The following NUP153 variants were observed in gnomAD, a reference collection of about 807,000 sequenced individuals.
NUP153 encodes nucleoporin 153.
NUP153 carries 27 observed loss-of-function variants against 134.6 expected under a neutral mutation model. That is an observed-to-expected ratio of 0.20 (90% CI 0.15 to 0.28). The LOEUF is 0.28. NUP153 is among the 10% of genes least tolerant of loss of function. The pLI is 1.00. For missense variants in NUP153, 1,821 were observed against 1,731.3 expected, an observed-to-expected ratio of 1.05 and a Z score of -0.92; for synonymous variants, 640 against 623.5, an observed-to-expected ratio of 1.03 and a Z score of -0.40.
chr6:17,637,208 A>G lies in NUP153; in HGVS notation c.2409T>C (p.Cys803=), dbSNP rs999275917. ...PIGSWECSVC[C]VSNNAEDNKC... is the part of the protein sequence containing the mutation. ...TATTGTCTTCTGCATTATTAGAAAC[A>G]CAGCATACTGAACACTCCCAAGATC... Residue 803 remains cysteine, a synonymous_variant, in exon 16 of 22, where the codon TGT becomes TGC. Transcript: ENST00000262077. 6.8e-6 allele frequency: 11 copies of G among 1,614,098 alleles called. No homozygotes were observed. The highest frequency in any genetic ancestry group is 8.5e-6 in the Non-Finnish European group (10 of 1,180,038).
chr6:17,636,964 C>A (rs1341645341), intron 16 of NUP153, among the ~76,000 whole-genome samples, 189 bp downstream of exon 16: 2 of 152,306 alleles, frequency 1.3e-5, no homozygotes, highest in African/African-American at 2.4e-5. Context: ...CTAGTTAACA[C>A]ATAACCTATC....
intron 2 of NUP153, among the ~76,000 whole-genome samples, chr6:17,685,363 C>T (rs1047473533): frequency 3.3e-5 from 5 of 151,802 alleles, no homozygotes; most frequent in Non-Finnish European, 4.4e-5. Context: ...CTGGCTAACA[C>T]GGAGAAACCC....
intron 1 of NUP153, among the ~76,000 whole-genome samples, chr6:17,697,877 C>G (rs1769766482): frequency 1.3e-5 from 2 of 152,102 alleles, no homozygotes; most frequent in African/African-American, 2.4e-5. Context: ...TCTTATAAAC[C>G]TTTTCACAGG....
chr6:17,616,036 C>G lies in NUP153; in HGVS notation c.*61G>C, dbSNP rs574882499. Reference sequence around the variant, plus strand: ...AGATAACCCCAGCACAAAGTACAATCCAGTATCTGAAAGCAGGGCACCAGC... The same window carrying G: ...AGATAACCCCAGCACAAAGTACAATGCAGTATCTGAAAGCAGGGCACCAGC... On this transcript the variant is annotated 3_prime_UTR_variant, in exon 22 of 22. Coordinates refer to ENST00000262077, the MANE Select transcript of NUP153 (RefSeq NM_005124.4). 60 of 1,180,630 alleles carry G rather than the reference C, an allele frequency of 5.1e-5. 1 individual carries two copies. The East Asian group carries it at 1.1e-3, about 22-fold the overall frequency. The allele number at this position is 1,180,630 out of a possible 1,614,324, so 73.1% of individuals were successfully genotyped here. A position where few individuals can be genotyped will look rare whatever the true frequency, so the allele number is the denominator to read the frequency against.
intron 14 of NUP153, among the ~76,000 whole-genome samples, chr6:17,641,033 C>G (rs937090550): frequency 6.6e-6 from 1 of 152,152 alleles, no homozygotes; most frequent in Non-Finnish European, 1.5e-5. Context: ...GAGTGACTTA[C>G]TGCTTTTACT....
chr6:17,674,526 T>C (rs1332794694), intron 5 of NUP153, among the ~76,000 whole-genome samples: 2 of 152,138 alleles, frequency 1.3e-5, no homozygotes, highest in Non-Finnish European at 2.9e-5. Context: ...CCTAACACTT[T>C]GGGAGGCCGG....
At chr6:17,618,560 CTCTT>C (rs1476924233) in intron 20 of NUP153, among the ~76,000 whole-genome samples, 15 of 105,048 alleles carry the variant, frequency 1.4e-4, no homozygotes, top group South Asian at 8.1e-4. Flanking sequence ...GTTAAAATCT[CTCTT>C]TTTTTTTTTT....
intron 5 of NUP153, among the ~76,000 whole-genome samples, chr6:17,672,663 C>G (rs541860572): frequency 6.6e-6 from 1 of 152,010 alleles, no homozygotes; most frequent in African/African-American, 2.4e-5. Context: ...AACAATTGCA[C>G]ACCCATATGT....
chr6:17,670,095 CAAAAAAAAAAAA>C lies in NUP153; in HGVS notation c.853-561_853-550del, dbSNP rs71002244. 4.6e-5 allele frequency among the ~76,000 whole-genome samples: 3 copies of C among 65,154 alleles called. No homozygotes were observed. In the East Asian group the frequency reaches 1.4e-3, roughly 31 times the overall value. The allele number at this position is 65,154 out of a possible 152,430, so 42.7% of individuals were successfully genotyped here. On this transcript the variant is annotated intron_variant, in intron 5 of 21. Coordinates refer to ENST00000262077, the MANE Select transcript of NUP153 (RefSeq NM_005124.4). Reference sequence around the variant, plus strand: ...TGGGCAACAGAGCGAGACTCTTTCTCAAAAAAAAAAAAAAAAAAAAAAAAAGTACTACACGCT... The same window carrying C: ...TGGGCAACAGAGCGAGACTCTTTCTCAAAAAAAAAAAAAGTACTACACGCT...
At chr6:17,690,539 T>C (rs914514285) in intron 1 of NUP153, among the ~76,000 whole-genome samples, 15 of 152,280 alleles carry the variant, frequency 9.9e-5, no homozygotes, top group Middle Eastern at 3.4e-3. Flanking sequence ...TGTATCAATT[T>C]ACAAGGTATA....
intron 20 of NUP153, among the ~76,000 whole-genome samples, chr6:17,616,899 G>A (rs1004581020): frequency 1.1e-4 from 16 of 152,072 alleles, no homozygotes; most frequent in African/African-American, 3.1e-4. Flanking sequence ...ATATAGGTGC[G>A]TGCCACCATG....
intron 20 of NUP153, among the ~76,000 whole-genome samples, chr6:17,618,731 A>G (rs1271381199): frequency 1.3e-5 from 2 of 152,004 alleles, no homozygotes; most frequent in African/African-American, 4.8e-5. Context: ...ACGCCTGGCT[A>G]ATTTTTTGTA....
At chr6:17,630,618 G>C (rs987768542) in intron 17 of NUP153, among the ~76,000 whole-genome samples, 12 of 151,842 alleles carry the variant, frequency 7.9e-5, no homozygotes, top group African/African-American at 2.4e-4. Flanking sequence ...AGCCAAGATT[G>C]CGCCACAGCA....
chr6:17,672,262 A>G (rs946001632), intron 5 of NUP153, among the ~76,000 whole-genome samples: 3 of 152,132 alleles, frequency 2.0e-5, no homozygotes, highest in Non-Finnish European at 4.4e-5. Context: ...GTCCAGAAAT[A>G]AAGCCATGTG....
intron 1 of NUP153, among the ~76,000 whole-genome samples, chr6:17,693,584 T>TAGAGATATCTCTAAGTAGACC (rs1445039916): frequency 6.6e-6 from 1 of 152,208 alleles, no homozygotes; most frequent in Non-Finnish European, 1.5e-5. Context: ...AGTAGACCCT[T>TAGAGATATCTCTAAGTAGACC]CTTAAAGATA....
At chr6:17,679,877 T>G (rs1406679339) in intron 2 of NUP153, among the ~76,000 whole-genome samples, 1 of 152,108 alleles carries the variant, frequency 6.6e-6, no homozygotes, top group Non-Finnish European at 1.5e-5. Context: ...CAAACCAAGG[T>G]TGCAGAGAGT....
intron 13 of NUP153, among the ~76,000 whole-genome samples, chr6:17,646,449 G>A (rs1766188439): frequency 1.3e-5 from 2 of 151,996 alleles, no homozygotes; most frequent in Admixed American, 1.3e-4. Context: ...CTTGTGATCC[G>A]CCCGCCTCGG....
rs1181648775 is a variant in NUP153, at chr6:17,662,009, T to A, written c.1268+9A>T. On this transcript the variant is annotated intron_variant, in intron 10 of 21. Transcript: ENST00000262077. ...TAAAGAAGTATAGCTGTATAAGAAA[T>A]GACAGTACCTTTCTCGTTGTTCTCT... is the stretch of plus-strand genomic sequence containing the variant. The A allele has an allele frequency of 6.3e-7, 1 of 1,587,294 alleles. No individual in the cohort carries two copies. Among genetic ancestry groups the A allele is most frequent in the Admixed American group, 1.7e-5 (1 of 59,752 alleles).
chr6:17,652,464 A>G (rs1313511904), intron 11 of NUP153, among the ~76,000 whole-genome samples: 1 of 152,130 alleles, frequency 6.6e-6, no homozygotes, highest in African/African-American at 2.4e-5. Context: ...AAAACTATAA[A>G]AGCAAAATTA....
Sources: allele counts gnomAD v4.1 joint callset (sites outside exome capture counted in the v4.1 genomes callset), GRCh38; gene constraint gnomAD v4.1.1; transcripts MANE v1.5; gene names NCBI Gene and HGNC (gene_info 2026-07-23, HGNC 2026-07-21).